Variants in KNL1 observed in about 807,000 individuals in gnomAD.
KNL1 encodes outer kinetochore KNL1 complex subunit KNL1.
Under a neutral mutation model 201.3 loss-of-function variants are expected in KNL1, and 66 were observed. The observed-to-expected ratio is 0.33, with a 90% CI of 0.27 to 0.40. The LOEUF is 0.40. Ranked by LOEUF, KNL1 falls within the 10% of genes least tolerant of loss-of-function variation. The probability of loss-of-function intolerance (pLI) is 1.00; values close to 1 mark genes in which losing one functional copy is unlikely to be tolerated. For missense variants in KNL1, 2,815 were observed against 2,690.5 expected, an observed-to-expected ratio of 1.05 and a Z score of -1.02; for synonymous variants, 895 against 899.2, an observed-to-expected ratio of 1.00 and a Z score of 0.08.
intron 22 of KNL1, among the ~76,000 whole-genome samples, chr15:40,655,876 A>G (rs1308712235): frequency 6.6e-6 from 1 of 151,304 alleles, no homozygotes; most frequent in African/African-American, 2.4e-5. Context: ...AGATCGCGCC[A>G]CTGCATTCCA....
In KNL1 at chr15:40,620,946, A is replaced by G. The variant is rs867884489; in HGVS notation, c.682A>G (p.Ser228Gly). Residue 228 changes from serine to glycine, a missense_variant, in exon 10 of 26, where the codon AGT becomes GGT. Physicochemically the swap from Ser to Gly is moderately conservative, Grantham distance 56. Around this residue, in one of 3 missense-constraint regions of KNL1, gnomAD observed 2,464 missense variants for 2,291.7 expected, o/e 1.08. Coordinates refer to ENST00000399668, the MANE Select transcript of KNL1 (RefSeq NM_144508.5). ...AAAAAGATTGAAAACAGGAAAATGT[A>G]GTGCTTTTCCTGATGTGCCTGATAA... is the stretch of plus-strand genomic sequence containing the variant. ...FIKRLKTGKC[S>G]AFPDVPDKEN... The G allele has an allele frequency of 6.2e-7, 1 of 1,606,072 alleles. No individual in the cohort carries two copies. The highest frequency in any genetic ancestry group is 1.7e-5 in the Admixed American group (1 of 57,200).
At chr15:40,611,011 A>G (rs2141706296) in intron 6 of KNL1, 1 of 315,326 alleles carries the variant, frequency 3.2e-6, no homozygotes, top group Non-Finnish European at 6.3e-6. Flanking sequence ...TGGCCTCAAA[A>G]TGCTAGGATT....
chr15:40,645,871 T>A (rs1893369254), intron 16 of KNL1, 99 bp downstream of exon 16: 1 of 646,188 alleles, frequency 1.5e-6, no homozygotes, highest in Non-Finnish European at 2.4e-6. Context: ...GACATGTGAA[T>A]AAGACTTGGG....
chr15:40,594,955 G>A (rs1279080040), intron 1 of KNL1, among the ~76,000 whole-genome samples: 1 of 152,188 alleles, frequency 6.6e-6, no homozygotes, highest in Non-Finnish European at 1.5e-5. Flanking sequence ...GCGCAAATTA[G>A]TTTTTAAAAA....
chr15:40,657,021 C>CTT, intron 22 of KNL1, 21 bp from the exon 23 acceptor site: 14 of 1,126,066 alleles, frequency 1.2e-5, no homozygotes, highest in South Asian at 1.6e-5. Flanking sequence ...CCTGCTTTTG[C>CTT]TTTTTTTTTT....
In KNL1 at chr15:40,624,621, C is replaced by T. The variant is rs1892675482; in HGVS notation, c.4357C>T (p.Pro1453Ser). The change falls in exon 10 of 26, where the codon CCT (proline) becomes TCT (serine). Residue 1453 changes from proline to serine, a missense_variant. Pro to Ser is a moderately conservative substitution (Grantham distance 74). Around this residue, in one of 3 missense-constraint regions of KNL1, gnomAD observed 2,464 missense variants for 2,291.7 expected, o/e 1.08. Transcript: ENST00000399668. The part of the protein sequence containing the change: ...PHFSTDQPPL[P>S]KKGQSSINKE... ...TTTCTCAACCGACCAACCTCCATTA[C>T]CTAAAAAAGGACAGAGTAGTATCAA... 1 of 1,613,678 alleles carries T rather than the reference C, an allele frequency of 6.2e-7. No homozygotes were observed. Among genetic ancestry groups the T allele is most frequent in the Non-Finnish European group, 8.5e-7 (1 of 1,179,848 alleles).
At chr15:40,595,614 C>A (rs1478665707) in intron 1 of KNL1, among the ~76,000 whole-genome samples, 2 of 152,158 alleles carry the variant, frequency 1.3e-5, no homozygotes, top group Non-Finnish European at 2.9e-5. Flanking sequence ...GTAAAAGATA[C>A]TGACTCTAGA....
rs556226833 is a variant in KNL1, at chr15:40,618,744, A to G, written c.323-215A>G. Among the ~76,000 whole-genome samples, 6 of 152,330 alleles carry G rather than the reference A, an allele frequency of 3.9e-5. No individual in the cohort carries two copies. In the East Asian group the frequency reaches 1.2e-3, roughly 29 times the overall value. The stretch of plus-strand genomic sequence containing the variant: ...CCCTGATTTGATCATTACACAATGT[A>G]TACAAGTATCAAAATATCACATGTA... On this transcript the variant is annotated intron_variant, in intron 8 of 25. Coordinates refer to ENST00000399668, the MANE Select transcript of KNL1 (RefSeq NM_144508.5).
intron 13 of KNL1, among the ~76,000 whole-genome samples, chr15:40,639,750 G>C (rs760794699): frequency 1.3e-5 from 2 of 151,762 alleles, no homozygotes; most frequent in East Asian, 3.9e-4. Context: ...TTGCAGCCTA[G>C]GTGACAGCTA....
At chr15:40,633,310 CAAAAAAAAA>C (rs35570214) in intron 13 of KNL1, among the ~76,000 whole-genome samples, 2 of 120,258 alleles carry the variant, frequency 1.7e-5, no homozygotes, top group Non-Finnish European at 3.3e-5. Flanking sequence ...AACTCTGTCT[CAAAAAAAAA>C]AAAAAAAAAA....
At chr15:40,634,393 C>G (rs931109879) in intron 13 of KNL1, among the ~76,000 whole-genome samples, 3 of 152,238 alleles carry the variant, frequency 2.0e-5, no homozygotes, top group Non-Finnish European at 4.4e-5. Flanking sequence ...GCATGAGCCA[C>G]CACGCCTGGT....
In KNL1 at chr15:40,606,377, C is replaced by A. The variant is rs981868442; in HGVS notation, c.76-16C>A. The A allele has an allele frequency of 6.7e-6, 10 of 1,499,492 alleles. No individual in the cohort carries two copies. The highest frequency in any genetic ancestry group is 7.4e-6 in the Non-Finnish European group (8 of 1,078,784). The allele number at this position is 1,499,492 out of a possible 1,614,324, so 92.9% of individuals were successfully genotyped here. A position where few individuals can be genotyped will look rare whatever the true frequency, so the allele number is the denominator to read the frequency against. On this transcript the variant is annotated splice_polypyrimidine_tract_variant and intron_variant, in intron 3 of 25. Coordinates refer to ENST00000399668, the MANE Select transcript of KNL1 (RefSeq NM_144508.5). ...TATGCCAGATTTTTTTTGAATAATTCTAATTGTTACCCTAGATATTGAAAC... is the reference window on the plus strand; with the variant it reads ...TATGCCAGATTTTTTTTGAATAATTATAATTGTTACCCTAGATATTGAAAC...
rs1893953348 is a variant in KNL1, at chr15:40,663,013, T to A, written c.*825T>A. ...CACTCAGCTATTGAAATGGTTGCCA[T>A]CTTTTTTTGAAGGCCTTGCTTTTTA... On this transcript the variant is annotated 3_prime_UTR_variant, in exon 26 of 26. Transcript: ENST00000399668. 5.6e-6 allele frequency: 1 copy of A among 179,690 alleles called. No homozygotes were observed. The highest frequency in any genetic ancestry group is 1.2e-5 in the Non-Finnish European group (1 of 84,014). The allele number at this position is 179,690 out of a possible 1,614,324, so 11.1% of individuals were successfully genotyped here.
At chr15:40,616,959 A>G (rs1892362689) in intron 8 of KNL1, among the ~76,000 whole-genome samples, 1 of 151,826 alleles carries the variant, frequency 6.6e-6, no homozygotes, top group African/African-American at 2.4e-5. Context: ...ATTTCATTTT[A>G]TTTTTTTGAG....
intron 10 of KNL1, chr15:40,625,856 C>A (rs893438292): frequency 1.6e-5 from 7 of 445,278 alleles, no homozygotes; most frequent in African/African-American, 6.0e-5. Context: ...CAAATAGTCA[C>A]AAAAAAATTA....
In KNL1 at chr15:40,650,292, C is replaced by T. The variant is rs768129813; in HGVS notation, c.6095-9C>T. 6.4e-7 allele frequency: 1 copy of T among 1,554,996 alleles called. No individual in the cohort carries two copies. Among genetic ancestry groups the T allele is most frequent in the South Asian group, 1.1e-5 (1 of 89,036 alleles). ...ACTGAATTATTCTAACAAATACTGT[C>T]TACTTTAGAAACTAAGAATTTGGAG... On this transcript the variant is annotated splice_polypyrimidine_tract_variant and intron_variant, in intron 17 of 25. Transcript: ENST00000399668.
rs1352409839 is a variant in KNL1, at chr15:40,661,619, G to A, written c.6837-455G>A. Among the ~76,000 whole-genome samples, 3 of 152,224 alleles carry A rather than the reference G, an allele frequency of 2.0e-5. No homozygotes were observed. In the East Asian group the frequency reaches 5.8e-4, roughly 29 times the overall value. On this transcript the variant is annotated intron_variant, in intron 25 of 25. Transcript: ENST00000399668. ...CATATAGAATTGGTTCTTAGGCCCTGTTTTGGAATCCCATTTCAAACTGGA... is the reference window on the plus strand; with the variant it reads ...CATATAGAATTGGTTCTTAGGCCCTATTTTGGAATCCCATTTCAAACTGGA...
chr15:40,632,489 C>A (rs564304485), intron 13 of KNL1, among the ~76,000 whole-genome samples: 25 of 152,010 alleles, frequency 1.6e-4, no homozygotes, highest in African/African-American at 5.5e-4. Context: ...GTAGTCCCAG[C>A]TACTCGGGAG....
At chr15:40,637,561 A>G (rs1405368056) in intron 13 of KNL1, among the ~76,000 whole-genome samples, 1 of 152,200 alleles carries the variant, frequency 6.6e-6, no homozygotes, top group Non-Finnish European at 1.5e-5. Flanking sequence ...TGCTGACGTG[A>G]CACCACAAAT....
Sources: allele counts gnomAD v4.1 joint callset (sites outside exome capture counted in the v4.1 genomes callset), GRCh38; gene constraint gnomAD v4.1.1; regional missense constraint gnomAD v4.1.1; transcripts MANE v1.5; gene names NCBI Gene and HGNC (gene_info 2026-07-23, HGNC 2026-07-21).